The following SLC9C1 variants were observed in gnomAD, a reference collection of about 807,000 sequenced individuals.
SLC9C1 encodes solute carrier family 9 member C1.
In SLC9C1, 97 loss-of-function variants were observed where a neutral mutation model predicts 140.9. That is an observed-to-expected ratio of 0.69 (90% confidence interval 0.58 to 0.82). SLC9C1 has a LOEUF of 0.82. Among genes scored for constraint, SLC9C1 ranks in the 40% least tolerant of loss-of-function variants. SLC9C1 has a pLI of 0.00. For synonymous variants in SLC9C1, 440 were observed against 442.6 expected, an observed-to-expected ratio of 0.99 and a Z score of 0.07; for missense variants, 1,340 against 1,389.3, an observed-to-expected ratio of 0.96 and a Z score of 0.56.
chr3:112,272,732 C>CA (rs1470854218), intron 6 of SLC9C1, among the ~76,000 whole-genome samples: 2 of 151,870 alleles, frequency 1.3e-5, no homozygotes, highest in Non-Finnish European at 2.9e-5. Context: ...CTCTGAAATA[C>CA]AAAAAAATAA....
chr3:112,213,677 C>G (rs2078273234), intron 15 of SLC9C1, among the ~76,000 whole-genome samples: 2 of 152,140 alleles, frequency 1.3e-5, no homozygotes, highest in African/African-American at 4.8e-5. Context: ...TATATATGCA[C>G]CCAATACAGG....
chr3:112,228,692 A>G (rs2078743779), intron 13 of SLC9C1, among the ~76,000 whole-genome samples: 2 of 152,092 alleles, frequency 1.3e-5, no homozygotes, highest in Admixed American at 6.6e-5. Flanking sequence ...ACAGCAAAAA[A>G]CAAACAAACA....
chr3:112,280,551 A>G (rs2080330496), intron 3 of SLC9C1, 132 bp downstream of exon 3: 3 of 743,578 alleles, frequency 4.0e-6, no homozygotes, highest in Non-Finnish European at 6.4e-6. Context: ...ACGTGATGCT[A>G]GCCACATCAC....
intron 3 of SLC9C1, among the ~76,000 whole-genome samples, chr3:112,280,302 T>C (rs1365660399): frequency 6.6e-6 from 1 of 152,216 alleles, no homozygotes; most frequent in East Asian, 1.9e-4. Flanking sequence ...ATTAGTTCAA[T>C]ATTATAATAT....
Position 112,169,325 on chromosome 3 carries a change from A to G in SLC9C1, c.2923T>C (p.Cys975Arg), listed in dbSNP as rs377699671. 7.4e-5 allele frequency: 118 copies of G among 1,603,744 alleles called. No individual in the cohort carries two copies. The highest frequency in any genetic ancestry group is 9.2e-5 in the Non-Finnish European group (108 of 1,176,710). The change falls in exon 24 of 29, where the codon TGT (cysteine) becomes CGT (arginine). Residue 975 changes from cysteine to arginine, a missense_variant. Cys to Arg is a radical substitution (Grantham distance 180, BLOSUM62 -3). Transcript: ENST00000305815. ...SATCKTVVET[C>R]FIPKTHLYDA... ...TACAAGTGAGTTTTGGGAATAAAAC[A>G]TGTCTGGAAAAGAAGGATGTAAATT...
chr3:112,240,140 G>A (rs2079102060), intron 11 of SLC9C1, 134 bp from the exon 12 acceptor site: 2 of 816,768 alleles, frequency 2.4e-6, no homozygotes, highest in Non-Finnish European at 3.6e-6. Flanking sequence ...TTTAATAATG[G>A]GAATACTAAA....
At chr3:112,176,405 T>C (rs2077337583) in intron 23 of SLC9C1, among the ~76,000 whole-genome samples, 1 of 152,232 alleles carries the variant, frequency 6.6e-6, no homozygotes. Flanking sequence ...TCCCTCTCTG[T>C]GAGAGCGGCA....
intron 10 of SLC9C1, among the ~76,000 whole-genome samples, chr3:112,258,533 A>G (rs1253573522): frequency 6.6e-6 from 1 of 152,092 alleles, no homozygotes; most frequent in African/African-American, 2.4e-5. Flanking sequence ...TTTAGGGTTC[A>G]AGAGATTCTC....
chr3:112,157,522 G>A lies in SLC9C1; in HGVS notation c.3365-2473C>T, dbSNP rs2075160852. On this transcript the variant is annotated intron_variant, in intron 26 of 28. Transcript: ENST00000305815. ...TTCAGGGTCTTTTGTGGTTCCCTAT[G>A]GATTTTAGGATTTTTTTTCTATGTC... Among the ~76,000 whole-genome samples, 3 of 151,912 alleles carry A rather than the reference G, an allele frequency of 2.0e-5. 1 individual carries two copies. The South Asian group carries it at 6.2e-4, about 32-fold the overall frequency.
chr3:112,210,515 T>G (rs560481394), intron 15 of SLC9C1, among the ~76,000 whole-genome samples: 1 of 152,210 alleles, frequency 6.6e-6, no homozygotes, highest in Non-Finnish European at 1.5e-5. Context: ...GAAAACAGAC[T>G]GGTGCTTTCC....
At position 112,270,056 on chromosome 3, in the gene SLC9C1, A is replaced by C; in HGVS notation, c.635T>G (p.Ile212Ser). The change falls in exon 7 of 29, where the codon ATT (isoleucine) becomes AGT (serine). Residue 212 changes from isoleucine to serine, a missense_variant. Coordinates refer to ENST00000305815, the MANE Select transcript of SLC9C1 (RefSeq NM_183061.3). ...HTLAEEIVGG[I>S]CSYIIASFLF... ...GAAACTTGCTATAATATATGAACAA[A>C]TTCCACCCACGATCTCTTCAGCTAC... 6.4e-7 allele frequency: 1 copy of C among 1,570,828 alleles called. No individual in the cohort carries two copies. The highest frequency in any genetic ancestry group is 8.6e-7 in the Non-Finnish European group (1 of 1,161,378).
intron 16 of SLC9C1, among the ~76,000 whole-genome samples, chr3:112,206,346 C>G (rs1221435551): frequency 6.6e-6 from 1 of 152,026 alleles, no homozygotes; most frequent in African/African-American, 2.4e-5. Flanking sequence ...AAGGAAACAA[C>G]AGGTGCTGGA....
Position 112,219,543 on chromosome 3 carries a change from A to T in SLC9C1, c.1670+1585T>A, listed in dbSNP as rs139243245. Among the ~76,000 whole-genome samples, 301 of 152,284 alleles carry T rather than the reference A, an allele frequency of 2.0e-3. 1 individual carries two copies. The highest frequency in any genetic ancestry group is 6.4e-3 in the African/African-American group (266 of 41,570). Reference sequence around the variant, plus strand: ...TTGGGGAACATTTAAAGAGAAAAAAATCAAGGCAGTGGGCTGAATTGCTCT... The same window carrying T: ...TTGGGGAACATTTAAAGAGAAAAAATTCAAGGCAGTGGGCTGAATTGCTCT... On this transcript the variant is annotated intron_variant, in intron 14 of 28. Coordinates refer to ENST00000305815, the MANE Select transcript of SLC9C1 (RefSeq NM_183061.3).
At chr3:112,231,838 G>A (rs1181398279) in intron 12 of SLC9C1, among the ~76,000 whole-genome samples, 1 of 152,124 alleles carries the variant, frequency 6.6e-6, no homozygotes. Flanking sequence ...TGTTAGAAAC[G>A]TGCATTCTCA....
At chr3:112,145,844 T>C (rs2074777300) in intron 28 of SLC9C1, among the ~76,000 whole-genome samples, 1 of 152,124 alleles carries the variant, frequency 6.6e-6, no homozygotes, top group African/African-American at 2.4e-5. Flanking sequence ...TGTGTTGTTC[T>C]CATGATAGTG....
At chr3:112,291,207 T>A (rs1232392570) in intron 1 of SLC9C1, among the ~76,000 whole-genome samples, 1 of 151,970 alleles carries the variant, frequency 6.6e-6, no homozygotes, top group Non-Finnish European at 1.5e-5. Context: ...GACATAGGAG[T>A]GGGCTAAGGT....
chr3:112,284,635 T>C (rs1013134373), intron 2 of SLC9C1, among the ~76,000 whole-genome samples: 1 of 152,210 alleles, frequency 6.6e-6, no homozygotes, highest in African/African-American at 2.4e-5. Context: ...GTGGTTGTTA[T>C]GTAAAGAACA....
rs548331837 is a variant in SLC9C1 at position 112,194,639 on chromosome 3, A to G, written c.2523+4682T>C. Among the ~76,000 whole-genome samples, 63 of 152,330 alleles carry G rather than the reference A, an allele frequency of 4.1e-4. 1 individual carries two copies. The South Asian group carries it at 0.012, about 30-fold the overall frequency. ...GACTCCACTTTCAATTCTTTTGACT[A>G]TATACCCAGAAAAGGAATTACTGGA... On this transcript the variant is annotated intron_variant, in intron 20 of 28. Transcript: ENST00000305815.
At chr3:112,242,619 C>T (rs1043412367) in intron 11 of SLC9C1, among the ~76,000 whole-genome samples, 2 of 151,946 alleles carry the variant, frequency 1.3e-5, no homozygotes, top group African/African-American at 2.4e-5. Flanking sequence ...TTTGATAGCA[C>T]GATAGGGTGA....
Sources: allele counts gnomAD v4.1 joint callset (sites outside exome capture counted in the v4.1 genomes callset), GRCh38; gene constraint gnomAD v4.1.1; transcripts MANE v1.5; gene names NCBI Gene and HGNC (gene_info 2026-07-23, HGNC 2026-07-21).